The following RAP1A variants were observed in gnomAD, a reference collection of about 807,000 sequenced individuals.
RAP1A encodes ras-related protein Rap-1A.
RAP1A carries 6 observed loss-of-function variants against 26.4 expected under a neutral mutation model. The observed-to-expected ratio is 0.23, with a 90% CI of 0.12 to 0.45. RAP1A has a LOEUF of 0.45. Ranked by LOEUF, RAP1A falls within the 20% of genes least tolerant of loss-of-function variation. RAP1A has a pLI of 0.99. For missense variants in RAP1A, 121 were observed against 217.2 expected, an observed-to-expected ratio of 0.56 and a Z score of 2.78; for synonymous variants, 73 against 79.4, an observed-to-expected ratio of 0.92 and a Z score of 0.43.
At chr1:111,604,596 T>G (rs1658735402) in intron 1 of RAP1A, 1 of 152,262 alleles carries the variant, frequency 6.6e-6, no homozygotes, top group African/African-American at 2.4e-5. Flanking sequence ...CTTGGATTTC[T>G]TTATAATGCT....
intron 1 of RAP1A, among the ~76,000 whole-genome samples, chr1:111,584,142 A>T (rs1281464596): frequency 6.6e-6 from 1 of 152,004 alleles, no homozygotes; most frequent in Non-Finnish European, 1.5e-5. Flanking sequence ...TCGGCCTCTC[A>T]AAGTGTTGGG....
At chr1:111,709,866 C>T (rs1439705281) in intron 7 of RAP1A, among the ~76,000 whole-genome samples, 1 of 151,484 alleles carries the variant, frequency 6.6e-6, no homozygotes, top group Non-Finnish European at 1.5e-5. Context: ...CATGACAGTA[C>T]TGGCAGTATG....
At chr1:111,639,301 T>C (rs891209809) in intron 1 of RAP1A, among the ~76,000 whole-genome samples, 3 of 152,142 alleles carry the variant, frequency 2.0e-5, no homozygotes, top group Non-Finnish European at 2.9e-5. Context: ...GATGTTATAG[T>C]AGGTAACACT....
chr1:111,636,946 G>A (rs1189366303), intron 1 of RAP1A, among the ~76,000 whole-genome samples: 1 of 152,034 alleles, frequency 6.6e-6, no homozygotes, highest in Non-Finnish European at 1.5e-5. Context: ...CCATGGAGTG[G>A]TGTGATGATG....
intron 1 of RAP1A, chr1:111,563,927 A>G (rs1327410687): frequency 1.2e-6 from 2 of 1,613,852 alleles, no homozygotes; most frequent in South Asian, 2.2e-5. Flanking sequence ...CTTCTGCTCA[A>G]TGGGTCCTGC....
At chr1:111,557,172 A>G (rs977892977) in intron 1 of RAP1A, among the ~76,000 whole-genome samples, 1 of 152,234 alleles carries the variant, frequency 6.6e-6, no homozygotes, top group African/African-American at 2.4e-5. Flanking sequence ...TCAACACCAC[A>G]GTGGAAGGCA....
At chr1:111,584,366 T>C (rs938731210) in intron 1 of RAP1A, among the ~76,000 whole-genome samples, 8 of 152,116 alleles carry the variant, frequency 5.3e-5, no homozygotes, top group African/African-American at 1.9e-4. Context: ...CTGCTAATAG[T>C]TCTGGAGACT....
intron 2 of RAP1A, among the ~76,000 whole-genome samples, chr1:111,692,193 A>C (rs1354707418): frequency 6.6e-6 from 1 of 152,198 alleles, no homozygotes; most frequent in Non-Finnish European, 1.5e-5. Context: ...GGAGCTGTCA[A>C]GGATGGCTCC....
intron 1 of RAP1A, among the ~76,000 whole-genome samples, chr1:111,640,643 G>A (rs1298332736): frequency 6.6e-6 from 1 of 152,072 alleles, no homozygotes; most frequent in Non-Finnish European, 1.5e-5. Context: ...CATCCTTTTA[G>A]TTAACACACG....
chr1:111,709,495 C>A (rs2101311045), intron 7 of RAP1A, among the ~76,000 whole-genome samples: 1 of 152,196 alleles, frequency 6.6e-6, no homozygotes. Flanking sequence ...CCACTGTGTC[C>A]CCAGTGCTTG....
At chr1:111,689,977 C>T (rs985640630) in intron 1 of RAP1A, among the ~76,000 whole-genome samples, 2 of 152,172 alleles carry the variant, frequency 1.3e-5, no homozygotes, top group African/African-American at 4.8e-5. Flanking sequence ...CGCCCGGCCT[C>T]AGGTCACATT....
At chr1:111,547,306 G>T (rs1557844585) in intron 1 of RAP1A, among the ~76,000 whole-genome samples, 1 of 151,854 alleles carries the variant, frequency 6.6e-6, no homozygotes, top group Non-Finnish European at 1.5e-5. Flanking sequence ...TCATGAAAGG[G>T]TACTGGATTT....
At position 111,695,335 on chromosome 1, in the gene RAP1A, C is replaced by G; in HGVS notation, c.58-6C>G. ...TTTTTAATATTTCTCTTTTTTTTTC[C>G]CCCAGACAGTTCAGTTTGTTCAGGG... On this transcript the variant is annotated splice_region_variant and splice_polypyrimidine_tract_variant and intron_variant, in intron 2 of 7. Transcript: ENST00000369709. The G allele has an allele frequency of 6.4e-7, 1 of 1,555,144 alleles. No homozygotes were observed. Among genetic ancestry groups the G allele is most frequent in the Non-Finnish European group, 8.6e-7 (1 of 1,156,226 alleles).
At position 111,716,316 on chromosome 1, in the gene RAP1A, A is replaced by AGTT. The variant is rs1188310006; in HGVS notation, c.*3916_*3918dup. Reference sequence around the variant, plus strand: ...TGTTCCCCAAAATGTAAAAACTGTAAGTTATTCTTGAAAATGTAGTCCAGA... The same window carrying AGTT: ...TGTTCCCCAAAATGTAAAAACTGTAAGTTGTTATTCTTGAAAATGTAGTCCAGA... On this transcript the variant is annotated 3_prime_UTR_variant, in exon 8 of 8. Coordinates refer to ENST00000369709, the MANE Select transcript of RAP1A (RefSeq NM_002884.4). 2 of 152,208 alleles carry AGTT rather than the reference A, an allele frequency of 1.3e-5. No homozygotes were observed. The allele number at this position is 152,208 out of a possible 1,614,324, so 9.4% of individuals were successfully genotyped here.
upstream of RAP1A, chr1:111,542,176 C>T (rs1656856600): frequency 6.5e-6 from 3 of 464,220 alleles, no homozygotes; most frequent in Admixed American, 6.5e-5. Context: ...CTTGGATAAT[C>T]CTTTGAAGGA....
At chr1:111,565,184 C>A (rs1288626759) in intron 1 of RAP1A, among the ~76,000 whole-genome samples, 1 of 152,058 alleles carries the variant, frequency 6.6e-6, no homozygotes, top group African/African-American at 2.4e-5. Context: ...GGGAAGGAGG[C>A]CAGTGTGGCT....
chr1:111,594,652 A>G (rs72983176), intron 1 of RAP1A, among the ~76,000 whole-genome samples: 1,623 of 152,288 alleles, frequency 0.011, 19 homozygotes, highest in African/African-American at 0.037. Context: ...CCGAGACCAA[A>G]GACTTGATAA....
intron 1 of RAP1A, among the ~76,000 whole-genome samples, chr1:111,606,586 C>T (rs919180166): frequency 6.6e-6 from 1 of 152,140 alleles, no homozygotes; most frequent in East Asian, 1.9e-4. Context: ...TGTGCCCAGC[C>T]GTGCTTAGCA....
intron 1 of RAP1A, among the ~76,000 whole-genome samples, chr1:111,676,633 A>G (rs940126698): frequency 7.2e-5 from 11 of 152,146 alleles, no homozygotes; most frequent in African/African-American, 2.7e-4. Context: ...AAATAAATAT[A>G]CCTATACAAC....
Sources: allele counts gnomAD v4.1 joint callset (sites outside exome capture counted in the v4.1 genomes callset), GRCh38; gene constraint gnomAD v4.1.1; transcripts MANE v1.5; gene names NCBI Gene and HGNC (gene_info 2026-07-23, HGNC 2026-07-21).